SSPN: variants seen among roughly 807,000 people sequenced by gnomAD.
SSPN encodes K-ras oncogene-associated protein.
In SSPN, 15 loss-of-function variants were observed where a neutral mutation model predicts 19.1. The observed-to-expected ratio is 0.78, with a 90% CI of 0.52 to 1.21. SSPN has a LOEUF of 1.21. SSPN is among the 50% of genes most tolerant of loss of function. SSPN has a pLI of 0.00. For synonymous variants in SSPN, 147 were observed against 140.3 expected (o/e 1.05, Z -0.34); for missense variants, 291 against 314.0 (o/e 0.93, Z 0.55).
intron 1 of SSPN, among the ~76,000 whole-genome samples, chr12:26,146,341 C>G (rs1565671654): frequency 6.6e-6 from 1 of 152,180 alleles, no homozygotes; most frequent in Non-Finnish European, 1.5e-5. Flanking sequence ...TTGGAGCACC[C>G]TCAGTCTCAC....
chr12:26,210,670 T>C (rs1365600107), intron 1 of SSPN, among the ~76,000 whole-genome samples: 1 of 152,154 alleles, frequency 6.6e-6, no homozygotes, highest in African/African-American at 2.4e-5. Context: ...ACTGCCCCCC[T>C]GCATCTGTTG....
intron 1 of SSPN, among the ~76,000 whole-genome samples, chr12:26,140,622 T>C (rs1437900607): frequency 1.3e-5 from 2 of 151,988 alleles, no homozygotes; most frequent in Non-Finnish European, 2.9e-5. Flanking sequence ...ATTGGGTGAG[T>C]TGTCATGAGA....
chr12:26,178,650 G>C (rs1236310978), intron 1 of SSPN, among the ~76,000 whole-genome samples: 4 of 152,318 alleles, frequency 2.6e-5, no homozygotes, highest in African/African-American at 7.2e-5. Context: ...AAAAGGAACA[G>C]AGTGGGTCTG....
Position 26,233,355 on chromosome 12 carries a change from TACACACACACACACAC to T in SSPN, c.*2281_*2296del, listed in dbSNP as rs550069444. 2 of 146,526 alleles carry T rather than the reference TACACACACACACACAC, an allele frequency of 1.4e-5. No homozygotes were observed. Among genetic ancestry groups the T allele is most frequent in the African/African-American group, 5.3e-5 (2 of 37,882 alleles). 9.1% of individuals were successfully genotyped at this position (146,526 alleles called of 1,614,324 possible). A position where few individuals can be genotyped will look rare whatever the true frequency, so the allele number is the denominator to read the frequency against. ...AGATATATATATATATATATACACA[TACACACACACACACAC>T]ATATATACTATACATATATAAAATG... On this transcript the variant is annotated 3_prime_UTR_variant, in exon 3 of 3. Transcript: ENST00000242729. This position sits in a 1 kb window ranked among gnomAD's most constrained non-coding sequence, Gnocchi z 4.3.
Position 26,231,965 on chromosome 12 carries a change from G to A in SSPN, c.*889G>A, listed in dbSNP as rs1019546900. 6 of 984,980 alleles carry A rather than the reference G, an allele frequency of 6.1e-6. No individual in the cohort carries two copies. Among genetic ancestry groups the A allele is most frequent in the Non-Finnish European group, 7.2e-6 (6 of 829,898 alleles). The allele number at this position is 984,980 out of a possible 1,614,324, so 61.0% of individuals were successfully genotyped here. On this transcript the variant is annotated 3_prime_UTR_variant, in exon 3 of 3. Transcript: ENST00000242729. ...AAGAGAAATTACTCTCACAAGAGCAGAGGCCTGAAGATTCTTTCTTCTGAA... is the reference window on the plus strand; with the variant it reads ...AAGAGAAATTACTCTCACAAGAGCAAAGGCCTGAAGATTCTTTCTTCTGAA...
chr12:26,170,551 G>A (rs938622348), intron 1 of SSPN, among the ~76,000 whole-genome samples: 1 of 152,150 alleles, frequency 6.6e-6, no homozygotes, highest in African/African-American at 2.4e-5. Flanking sequence ...AAGTAACAAA[G>A]CATTATAAAG....
Position 26,234,397 on chromosome 12 carries a change from C to G in SSPN, c.*3321C>G, listed in dbSNP as rs1327749275. 6.6e-6 allele frequency: 1 copy of G among 152,182 alleles called. No homozygotes were observed. Among genetic ancestry groups the G allele is most frequent in the Non-Finnish European group, 1.5e-5 (1 of 68,038 alleles). The allele number at this position is 152,182 out of a possible 1,614,324, so 9.4% of individuals were successfully genotyped here. A position where few individuals can be genotyped will look rare whatever the true frequency, so the allele number is the denominator to read the frequency against. On this transcript the variant is annotated 3_prime_UTR_variant, in exon 3 of 3. Coordinates refer to ENST00000242729, the MANE Select transcript of SSPN (RefSeq NM_005086.5). Reference sequence around the variant, plus strand: ...AATTTCTGTAAATCATGTTGGCTATCAGTTCTTGCTATTCTCAGAGCACTC... The same window carrying G: ...AATTTCTGTAAATCATGTTGGCTATGAGTTCTTGCTATTCTCAGAGCACTC...
intron 1 of SSPN, among the ~76,000 whole-genome samples, chr12:26,139,149 T>C (rs1944445388): frequency 6.6e-6 from 1 of 152,282 alleles, no homozygotes; most frequent in Non-Finnish European, 1.5e-5. Context: ...CACATAAGAA[T>C]AAAATATATA....
intron 1 of SSPN, among the ~76,000 whole-genome samples, chr12:26,204,510 T>G (rs1224015897): frequency 1.7e-5 from 1 of 60,318 alleles, no homozygotes; most frequent in East Asian, 5.0e-4. Context: ...AAGGATACTT[T>G]GGCTTCTGAT....
intron 1 of SSPN, among the ~76,000 whole-genome samples, chr12:26,208,992 GCCCACCCCCAA>G (rs981376899): frequency 3.3e-5 from 5 of 151,934 alleles, no homozygotes; most frequent in African/African-American, 1.2e-4. Flanking sequence ...TGGATAAGCA[GCCCACCCCCAA>G]CCCACCCTCC....
At chr12:26,139,994 A>G (rs1328390097) in intron 1 of SSPN, among the ~76,000 whole-genome samples, 1 of 152,038 alleles carries the variant, frequency 6.6e-6, no homozygotes, top group East Asian at 1.9e-4. Context: ...CCTTTTCCTC[A>G]CTGAATGATC....
At chr12:26,162,380 T>C (rs1944594766) in intron 1 of SSPN, among the ~76,000 whole-genome samples, 1 of 152,218 alleles carries the variant, frequency 6.6e-6, no homozygotes, top group Admixed American at 6.5e-5. Flanking sequence ...TCTGACACAT[T>C]TGCTATTCTT....
intron 2 of SSPN, 26 bp from the exon 3 acceptor site, chr12:26,230,685 A>G: frequency 1.9e-6 from 3 of 1,573,562 alleles, no homozygotes; most frequent in Non-Finnish European, 2.6e-6. Context: ...TTGTAACCAG[A>G]AAGGTTTTCT....
intron 1 of SSPN, among the ~76,000 whole-genome samples, chr12:26,187,102 C>G (rs74920321): frequency 0.03 from 4,616 of 152,332 alleles, 105 homozygotes; most frequent in Non-Finnish European, 0.042. Flanking sequence ...CCCTTCACCC[C>G]AGAATCCTTG....
At chr12:26,148,273 C>A (rs4462439) in intron 1 of SSPN, among the ~76,000 whole-genome samples, 1 of 152,168 alleles carries the variant, frequency 6.6e-6, no homozygotes, top group African/African-American at 2.4e-5. Context: ...AGCTTCTTCC[C>A]GAGATCTGAA....
At position 26,230,620 on chromosome 12, in the gene SSPN, G is replaced by A. The variant is rs541404961; in HGVS notation, c.367-91G>A. 254 of 1,451,604 alleles carry A rather than the reference G, an allele frequency of 1.7e-4. No individual in the cohort carries two copies. The Middle Eastern group carries it at 1.8e-3, about 10-fold the overall frequency. The allele number at this position is 1,451,604 out of a possible 1,614,324, so 89.9% of individuals were successfully genotyped here. A position where few individuals can be genotyped will look rare whatever the true frequency, so the allele number is the denominator to read the frequency against. Reference sequence around the variant, plus strand: ...TTTCCATCAGAAAATTTCTGGGAGGGAAGAAAAAGAACAGTTTTGATGAAT... The same window carrying A: ...TTTCCATCAGAAAATTTCTGGGAGGAAAGAAAAAGAACAGTTTTGATGAAT... On this transcript the variant is annotated intron_variant, in intron 2 of 2. Transcript: ENST00000242729.
intron 1 of SSPN, among the ~76,000 whole-genome samples, chr12:26,138,732 T>A (rs911265334): frequency 2.7e-5 from 4 of 146,338 alleles, no homozygotes; most frequent in African/African-American, 8.3e-5. Context: ...AGCCAAGACA[T>A]TTTTTTAACC....
rs1199031083 is a variant in SSPN at position 26,224,291 on chromosome 12, A to T, written c.280-2A>T. Reference sequence around the variant, plus strand: ...TCCTTTCTTCTGTGTTCTCCCTTGCAGGTCTGCTTAGTGGCCTATCTTGGC... The same window carrying T: ...TCCTTTCTTCTGTGTTCTCCCTTGCTGGTCTGCTTAGTGGCCTATCTTGGC... On this transcript the variant is annotated splice_acceptor_variant, in intron 1 of 2. Coordinates refer to ENST00000242729, the MANE Select transcript of SSPN (RefSeq NM_005086.5). LOFTEE classifies it high-confidence loss of function. The T allele has an allele frequency of 6.2e-7, 1 of 1,611,650 alleles. No homozygotes were observed. Among genetic ancestry groups the T allele is most frequent in the South Asian group, 1.1e-5 (1 of 91,034 alleles).
chr12:26,140,908 G>C (rs1944456830), intron 1 of SSPN, among the ~76,000 whole-genome samples: 1 of 152,128 alleles, frequency 6.6e-6, no homozygotes, highest in East Asian at 1.9e-4. Flanking sequence ...TCATCACACA[G>C]ATCTTTCACA....
Sources: gnomAD v4.1 joint callset for allele counts (sites outside exome capture counted in the v4.1 genomes callset) on GRCh38, gnomAD v4.1.1 for gene constraint, Gnocchi (gnomAD v3.1) non-coding constraint, MANE v1.5 for transcripts, NCBI Gene and HGNC (gene_info 2026-07-23, HGNC 2026-07-21) for gene names.